Variants in NPAS3 observed in about 807,000 individuals in gnomAD.
NPAS3 encodes neuronal PAS domain-containing protein 3.
In NPAS3, 14 loss-of-function variants were observed where a neutral mutation model predicts 73.1. That is an observed-to-expected ratio of 0.19 (90% CI 0.13 to 0.30). The LOEUF (loss-of-function observed/expected upper bound fraction) is 0.30, where lower values mean the gene tolerates loss of function less well. NPAS3 is among the 10% of genes least tolerant of loss of function. NPAS3 has a pLI of 1.00. For missense variants in NPAS3, 1,096 were observed against 1,250.0 expected (o/e 0.88, Z 1.86); for synonymous variants, 620 against 541.5 (o/e 1.14, Z -2.01).
At chr14:33,672,089 G>C (rs564257318) in intron 5 of NPAS3, among the ~76,000 whole-genome samples, 1 of 152,056 alleles carries the variant, frequency 6.6e-6, no homozygotes, top group Non-Finnish European at 1.5e-5. Context: ...AGACAAAAGC[G>C]TGTTAACACC....
intron 5 of NPAS3, among the ~76,000 whole-genome samples, chr14:33,616,448 A>G (rs570417676): frequency 6.6e-6 from 1 of 152,310 alleles, no homozygotes; most frequent in Non-Finnish European, 1.5e-5. Flanking sequence ...CGGGAGGGGA[A>G]GAGGAGAAGG....
At chr14:33,206,853 T>C (rs550265436) in intron 2 of NPAS3, among the ~76,000 whole-genome samples, 41 of 152,308 alleles carry the variant, frequency 2.7e-4, no homozygotes, top group Middle Eastern at 3.4e-3. Flanking sequence ...TGAAATGTCC[T>C]GCCGTCAAAG....
At chr14:33,321,125 A>G (rs564984780) in intron 3 of NPAS3, among the ~76,000 whole-genome samples, 1 of 152,218 alleles carries the variant, frequency 6.6e-6, no homozygotes, top group African/African-American at 2.4e-5. Context: ...AAATTTTAGT[A>G]TAAAAGACTT....
At chr14:33,283,118 C>T (rs1234643377) in intron 3 of NPAS3, among the ~76,000 whole-genome samples, 1 of 152,194 alleles carries the variant, frequency 6.6e-6, no homozygotes, top group Non-Finnish European at 1.5e-5. Context: ...ATGTATCAAA[C>T]AAAGGCTTGT....
chr14:33,274,720 TC>T (rs1459603461), intron 3 of NPAS3, among the ~76,000 whole-genome samples: 1 of 152,146 alleles, frequency 6.6e-6, no homozygotes, highest in East Asian at 1.9e-4. Flanking sequence ...GGGAAGGTTC[TC>T]CCAGCTGGCC....
At chr14:33,111,125 A>G (rs79522464) in intron 2 of NPAS3, among the ~76,000 whole-genome samples, 2,299 of 152,298 alleles carry the variant, frequency 0.015, 57 homozygotes, top group African/African-American at 0.053. Flanking sequence ...TGCCCTTGGA[A>G]GGCTCTGCCA....
intron 5 of NPAS3, among the ~76,000 whole-genome samples, chr14:33,614,908 AAT>A (rs1233275673): frequency 1.6e-5 from 2 of 123,690 alleles, no homozygotes; most frequent in African/African-American, 8.2e-5. Flanking sequence ...TGCAAAGCAG[AAT>A]GTAAGAAGCA....
intron 5 of NPAS3, among the ~76,000 whole-genome samples, chr14:33,572,089 T>C (rs1220589552): frequency 1.3e-5 from 2 of 152,188 alleles, no homozygotes; most frequent in Non-Finnish European, 1.5e-5. Context: ...ATATTTATTA[T>C]ATTTCCCAAA....
At chr14:33,215,447 C>T in intron 3 of NPAS3, 21 bp downstream of exon 3, 1 of 1,613,258 alleles carries the variant, frequency 6.2e-7, no homozygotes, top group Non-Finnish European at 8.5e-7. Context: ...GGTCACTGTT[C>T]AGTCTGAATA....
At chr14:33,463,623 GA>G (rs1427309858) in intron 4 of NPAS3, among the ~76,000 whole-genome samples, 7 of 152,116 alleles carry the variant, frequency 4.6e-5, no homozygotes, top group African/African-American at 1.7e-4. Flanking sequence ...TAACATTTCT[GA>G]AACATTCATG....
chr14:33,618,864 G>T (rs2383519), intron 5 of NPAS3, among the ~76,000 whole-genome samples: 1 of 152,126 alleles, frequency 6.6e-6, no homozygotes, highest in South Asian at 2.1e-4. Flanking sequence ...CAGACCTTCC[G>T]CAGTTGAAGA....
chr14:33,442,284 A>G (rs1299951899), intron 4 of NPAS3, among the ~76,000 whole-genome samples: 1 of 152,194 alleles, frequency 6.6e-6, no homozygotes, highest in Non-Finnish European at 1.5e-5. Context: ...CATAAGAATG[A>G]CAGTCAACTG....
intron 1 of NPAS3, among the ~76,000 whole-genome samples, chr14:33,036,433 C>T (rs2040171820): frequency 6.6e-6 from 1 of 151,932 alleles, no homozygotes; most frequent in Non-Finnish European, 1.5e-5. Context: ...ACTGTAAAGG[C>T]CTTGGACCAA....
chr14:33,051,296 A>AAAAAAAAAAAAAAAAAAAAGAG (rs771840433), intron 1 of NPAS3, among the ~76,000 whole-genome samples: 1 of 142,528 alleles, frequency 7.0e-6, no homozygotes, highest in African/African-American at 2.8e-5. Context: ...AAAAAAAAAA[A>AAAAAAAAAAAAAAAAAAAAGAG]AGAGAGACTA....
At chr14:33,751,948 T>C (rs1437083595) in intron 7 of NPAS3, among the ~76,000 whole-genome samples, 1 of 152,192 alleles carries the variant, frequency 6.6e-6, no homozygotes, top group South Asian at 2.1e-4. Context: ...TTCAAAGTTA[T>C]GTGTTTTTTA....
chr14:33,239,194 T>C (rs1334114984), intron 3 of NPAS3, among the ~76,000 whole-genome samples: 1 of 151,878 alleles, frequency 6.6e-6, no homozygotes, highest in Non-Finnish European at 1.5e-5. Context: ...CTGAGAAACA[T>C]TGGTTTTCTT....
At chr14:33,346,460 T>A (rs1111319) in intron 3 of NPAS3, among the ~76,000 whole-genome samples, 7,191 of 142,386 alleles carry the variant, frequency 0.051, 518 homozygotes, top group East Asian at 0.21. Flanking sequence ...CCCAAGAGGT[T>A]GAGGCTGCTG....
chr14:33,460,712 G>T (rs944780776), intron 4 of NPAS3, among the ~76,000 whole-genome samples: 3 of 152,022 alleles, frequency 2.0e-5, no homozygotes, highest in Non-Finnish European at 4.4e-5. Flanking sequence ...TACTGTTGTT[G>T]TGGTTGTCGT....
intron 1 of NPAS3, among the ~76,000 whole-genome samples, chr14:33,002,216 C>T (rs2038833633): frequency 6.6e-6 from 1 of 152,124 alleles, no homozygotes; most frequent in Non-Finnish European, 1.5e-5. Flanking sequence ...AGTTAAGATC[C>T]ATAAGAGCAG....
Sources: gnomAD v4.1 joint callset for allele counts (sites outside exome capture counted in the v4.1 genomes callset) on GRCh38, gnomAD v4.1.1 for gene constraint, MANE v1.5 for transcripts, NCBI Gene and HGNC (gene_info 2026-07-23, HGNC 2026-07-21) for gene names.